KYNU: variants seen among roughly 807,000 people sequenced by gnomAD.
KYNU encodes kynureninase, also known as L-kynurenine hydrolase.
A neutral mutation model predicts 59.2 loss-of-function variants in KYNU; 54 were observed. That is an observed-to-expected ratio of 0.91 (90% CI 0.73 to 1.14). The LOEUF is 1.14. Among genes scored for constraint, KYNU ranks in the 50% most tolerant of loss-of-function variants. The pLI is 0.00. For synonymous variants in KYNU, 177 were observed against 192.0 expected (o/e 0.92, Z 0.65); for missense variants, 567 against 554.4 (o/e 1.02, Z -0.23).
At chr2:143,036,099 G>A (rs1277787782) in intron 12 of KYNU, among the ~76,000 whole-genome samples, 3 of 151,926 alleles carry the variant, frequency 2.0e-5, no homozygotes, top group Non-Finnish European at 4.4e-5. Flanking sequence ...TGGCTATGTT[G>A]TCCACGTTAA....
At chr2:142,878,650 C>T (rs1487800135) in intron 1 of KYNU, among the ~76,000 whole-genome samples, 1 of 152,082 alleles carries the variant, frequency 6.6e-6, no homozygotes, top group East Asian at 1.9e-4. Flanking sequence ...CAGTGGGTGA[C>T]TAGGAGATTC....
intron 2 of KYNU, among the ~76,000 whole-genome samples, chr2:142,910,604 G>A (rs1234511826): frequency 6.6e-6 from 1 of 152,040 alleles, no homozygotes; most frequent in Admixed American, 6.6e-5. Flanking sequence ...AGTTTGGGGG[G>A]TTTTTGCAAT....
chr2:143,022,334 T>C (rs352923), intron 10 of KYNU, among the ~76,000 whole-genome samples: 53,948 of 151,856 alleles, frequency 0.36, 10,560 homozygotes, highest in East Asian at 0.52. Context: ...TGTATATTCA[T>C]AAATTTGCTA....
intron 2 of KYNU, among the ~76,000 whole-genome samples, chr2:142,915,326 A>G (rs1400449110): frequency 6.6e-6 from 1 of 152,172 alleles, no homozygotes; most frequent in Non-Finnish European, 1.5e-5. Flanking sequence ...CCAAAGCTGG[A>G]CTAAGATTTT....
In KYNU at chr2:143,050,705, CAAATT is replaced by C. The variant is rs982096339; in HGVS notation, c.*8538_*8542del. The C allele has an allele frequency of 3.9e-5, 6 of 152,132 alleles. No homozygotes were observed. The highest frequency in any genetic ancestry group is 8.8e-5 in the Non-Finnish European group (6 of 68,018). 9.4% of individuals were successfully genotyped at this position (152,132 alleles called of 1,614,324 possible). A position where few individuals can be genotyped will look rare whatever the true frequency, so the allele number is the denominator to read the frequency against. ...GGGTGTGAAGTCAGTAAATTAATTT[CAAATT>C]AAATAAACTTTTCTACAGCTATTTT... On this transcript the variant is annotated 3_prime_UTR_variant, in exon 14 of 14. Transcript: ENST00000264170.
intron 2 of KYNU, among the ~76,000 whole-genome samples, chr2:142,915,905 T>G (rs78682757): frequency 0.01 from 1,546 of 152,210 alleles, 21 homozygotes; most frequent in African/African-American, 0.036. Context: ...AATGAGATAT[T>G]AGAGTGGGCC....
intron 10 of KYNU, among the ~76,000 whole-genome samples, chr2:142,994,006 C>T (rs1277040678): frequency 6.6e-6 from 1 of 152,010 alleles, no homozygotes; most frequent in Non-Finnish European, 1.5e-5. Context: ...AAAAGTAAAA[C>T]TTGTCAAAGA....
chr2:143,016,978 A>T (rs550380878), intron 10 of KYNU, among the ~76,000 whole-genome samples: 19 of 152,168 alleles, frequency 1.2e-4, no homozygotes, highest in African/African-American at 4.6e-4. Flanking sequence ...TTTAGTTCCT[A>T]CTTATCAGTG....
chr2:142,918,656 G>C lies in KYNU; in HGVS notation c.217G>C (p.Gly73Arg). 1 of 1,609,610 alleles carries C rather than the reference G, an allele frequency of 6.2e-7. No homozygotes were observed. Among genetic ancestry groups the C allele is most frequent in the Non-Finnish European group, 8.5e-7 (1 of 1,178,178 alleles). Residue 73 changes from glycine (G) to arginine (R), a missense_variant, in exon 3 of 14, where the codon GGA becomes CGA. Coordinates refer to ENST00000264170, the MANE Select transcript of KYNU (RefSeq NM_003937.3). The part of the protein sequence containing the change: ...NKDENAIYFL[G>R]NSLGLQPKMV... ...AGATGAAAATGCCATCTATTTCTTG[G>C]GAAATTCTCTTGGCCTTCAACCAAA... is the stretch of plus-strand genomic sequence containing the variant.
At chr2:142,897,484 T>G (rs1239251472) in intron 2 of KYNU, among the ~76,000 whole-genome samples, 1 of 152,204 alleles carries the variant, frequency 6.6e-6, no homozygotes, top group Non-Finnish European at 1.5e-5. Flanking sequence ...AATTAGACAG[T>G]TGTCACCCAA....
At chr2:142,900,285 C>T (rs529084817) in intron 2 of KYNU, among the ~76,000 whole-genome samples, 5 of 152,226 alleles carry the variant, frequency 3.3e-5, no homozygotes, top group South Asian at 2.1e-4. Context: ...GGGTCTGCAA[C>T]GGTGGCAAAC....
At chr2:142,973,102 ATATATATTT>A (rs1447969777) in intron 8 of KYNU, among the ~76,000 whole-genome samples, 1 of 150,478 alleles carries the variant, frequency 6.6e-6, no homozygotes, top group Non-Finnish European at 1.5e-5. Flanking sequence ...TATACACATT[ATATATATTT>A]TGTATGTATA....
At chr2:142,900,411 G>A (rs754954225) in intron 2 of KYNU, among the ~76,000 whole-genome samples, 28 of 152,148 alleles carry the variant, frequency 1.8e-4, no homozygotes, top group Non-Finnish European at 3.1e-4. Flanking sequence ...CAAAGGGAGG[G>A]GACCCAAAGA....
chr2:142,988,917 C>A, intron 10 of KYNU: 2 of 1,585,406 alleles, frequency 1.3e-6, no homozygotes, highest in South Asian at 1.1e-5. Context: ...ATTTTCCAGT[C>A]ATCACTTCAT....
intron 4 of KYNU, among the ~76,000 whole-genome samples, chr2:142,952,567 G>A (rs1322931164): frequency 6.6e-6 from 1 of 151,908 alleles, no homozygotes; most frequent in Admixed American, 6.6e-5. Context: ...CTCCAGAGTA[G>A]CTGGAACTAT....
At chr2:142,932,994 GT>G (rs1683277579) in intron 4 of KYNU, among the ~76,000 whole-genome samples, 1 of 152,074 alleles carries the variant, frequency 6.6e-6, no homozygotes, top group Non-Finnish European at 1.5e-5. Flanking sequence ...GATTTGGGGG[GT>G]TTCTATGAAT....
At chr2:142,902,271 G>A (rs902792133) in intron 2 of KYNU, among the ~76,000 whole-genome samples, 4 of 152,180 alleles carry the variant, frequency 2.6e-5, no homozygotes, top group African/African-American at 4.8e-5. Flanking sequence ...TTGAACCTGT[G>A]TAAGGACTCC....
At chr2:143,031,179 T>C (rs1686727334) in intron 11 of KYNU, among the ~76,000 whole-genome samples, 1 of 152,226 alleles carries the variant, frequency 6.6e-6, no homozygotes, top group African/African-American at 2.4e-5. Flanking sequence ...CCTTGGCTGC[T>C]AAAATAATTA....
intron 3 of KYNU, among the ~76,000 whole-genome samples, chr2:142,920,974 G>C (rs916652315): frequency 3.3e-5 from 5 of 152,178 alleles, no homozygotes; most frequent in African/African-American, 1.2e-4. Flanking sequence ...TTTTCCAGCT[G>C]AAGTTCTGTT....
Sources: gnomAD v4.1 joint callset for allele counts (sites outside exome capture counted in the v4.1 genomes callset) on GRCh38, gnomAD v4.1.1 for gene constraint, MANE v1.5 for transcripts, NCBI Gene and HGNC (gene_info 2026-07-23, HGNC 2026-07-21) for gene names.